LAMA2: variants seen among roughly 807,000 people sequenced by gnomAD.
LAMA2 encodes laminin subunit alpha-2.
A neutral mutation model predicts 364.8 loss-of-function variants in LAMA2; 269 were observed. The observed-to-expected ratio is 0.74, with a 90% CI of 0.67 to 0.82. The LOEUF is 0.82. Ranked by LOEUF, LAMA2 falls within the 40% of genes least tolerant of loss-of-function variation. The probability of loss-of-function intolerance (pLI) is 0.00; values close to 1 mark genes in which losing one functional copy is unlikely to be tolerated. For missense variants in LAMA2, 3,807 were observed against 3,873.2 expected, an observed-to-expected ratio of 0.98 and a Z score of 0.45; for synonymous variants, 1,379 against 1,370.6, an observed-to-expected ratio of 1.01 and a Z score of -0.14.
Position 129,051,263 on chromosome 6 carries a change from A to T in LAMA2, c.283+1175A>T, listed in dbSNP as rs188172478. Among the ~76,000 whole-genome samples, 77 of 148,026 alleles carry T rather than the reference A, an allele frequency of 5.2e-4. No individual in the cohort carries two copies. In the East Asian group the frequency reaches 0.014, roughly 27 times the overall value. ...GTAATCTACATAAAGGTAAAAATATATATTATTTATATTTATTTATATTAT... is the reference window on the plus strand; with the variant it reads ...GTAATCTACATAAAGGTAAAAATATTTATTATTTATATTTATTTATATTAT... On this transcript the variant is annotated intron_variant, in intron 2 of 64. Transcript: ENST00000421865.
intron 1 of LAMA2, among the ~76,000 whole-genome samples, chr6:128,973,670 G>A (rs1782341543): frequency 6.6e-6 from 1 of 152,138 alleles, no homozygotes; most frequent in African/African-American, 2.4e-5. Flanking sequence ...TTGGGAATTT[G>A]AGAATAAAGG....
At chr6:128,896,248 T>C (rs1437117500) in intron 1 of LAMA2, among the ~76,000 whole-genome samples, 1 of 152,048 alleles carries the variant, frequency 6.6e-6, no homozygotes, top group Non-Finnish European at 1.5e-5. Flanking sequence ...GTATAATTTA[T>C]CTTTAAAAAT....
intron 1 of LAMA2, among the ~76,000 whole-genome samples, chr6:129,030,994 A>C (rs981204258): frequency 2.0e-5 from 3 of 152,214 alleles, no homozygotes; most frequent in African/African-American, 7.2e-5. Flanking sequence ...CTGAGAGTTT[A>C]TATGTGCTTG....
chr6:128,911,127 A>G (rs373261967), intron 1 of LAMA2, among the ~76,000 whole-genome samples: 65 of 152,256 alleles, frequency 4.3e-4, no homozygotes, highest in Middle Eastern at 6.8e-3. Flanking sequence ...GGAGCCTACA[A>G]AGGCAGGCAG....
chr6:129,351,517 T>C (rs1030306455), intron 31 of LAMA2, among the ~76,000 whole-genome samples: 1 of 152,208 alleles, frequency 6.6e-6, no homozygotes, highest in Non-Finnish European at 1.5e-5. Flanking sequence ...AATTGCTTTA[T>C]TCAGCTATAT....
intron 6 of LAMA2, among the ~76,000 whole-genome samples, 177 bp from the exon 7 acceptor site, chr6:129,148,802 G>A (rs562295519): frequency 2.0e-5 from 3 of 152,178 alleles, no homozygotes; most frequent in East Asian, 1.9e-4. Flanking sequence ...TTAAGGTGAT[G>A]TTGATCAAAT....
intron 8 of LAMA2, among the ~76,000 whole-genome samples, chr6:129,156,926 G>A (rs1274457755): frequency 6.6e-6 from 1 of 152,030 alleles, no homozygotes; most frequent in Non-Finnish European, 1.5e-5. Context: ...ATATCTTCCT[G>A]TGCATGCATA....
intron 12 of LAMA2, among the ~76,000 whole-genome samples, chr6:129,241,600 G>A (rs1265235615): frequency 6.6e-6 from 1 of 152,018 alleles, no homozygotes; most frequent in East Asian, 1.9e-4. Flanking sequence ...TTTCCCAAGG[G>A]CCTTGTAGTG....
chr6:129,131,720 CCTAAACCTT>C (rs1453424966), intron 4 of LAMA2, among the ~76,000 whole-genome samples: 1 of 152,156 alleles, frequency 6.6e-6, no homozygotes, highest in African/African-American at 2.4e-5. Context: ...ATGGTAGGAA[CCTAAACCTT>C]GGGGTACTGT....
chr6:128,933,111 G>A (rs964951062), intron 1 of LAMA2, among the ~76,000 whole-genome samples: 1 of 151,976 alleles, frequency 6.6e-6, no homozygotes, highest in Non-Finnish European at 1.5e-5. Flanking sequence ...TTTTCTATGT[G>A]TGGCTTATCT....
At chr6:129,412,795 A>G (rs1195727798) in intron 40 of LAMA2, among the ~76,000 whole-genome samples, 1 of 152,154 alleles carries the variant, frequency 6.6e-6, no homozygotes, top group Non-Finnish European at 1.5e-5. Flanking sequence ...GAAAAAATGA[A>G]GAGACATGTA....
At chr6:129,116,971 GACA>G (rs554270978) in intron 4 of LAMA2, among the ~76,000 whole-genome samples, 230 of 152,032 alleles carry the variant, frequency 1.5e-3, no homozygotes, top group Non-Finnish European at 2.7e-3. Flanking sequence ...ACTTTAAAAT[GACA>G]ACAAAAAATT....
Position 129,481,299 on chromosome 6 carries a change from G to A in LAMA2, c.7609G>A (p.Val2537Met), listed in dbSNP as rs540611163. The A allele has an allele frequency of 6.2e-6, 10 of 1,613,748 alleles. No homozygotes were observed. Among genetic ancestry groups the A allele is most frequent in the African/African-American group, 5.3e-5 (4 of 74,940 alleles). ...YTVSFPKPGF[V>M]ELSPVPIDVG... is the part of the protein sequence containing the mutation. ...AGTTAGCTTTCCTAAGCCTGGTTTT[G>A]TGGAGCTCTCCCCTGTGCCAATTGA... Residue 2537 changes from valine (V) to methionine (M), a missense_variant, in exon 55 of 65, where the codon GTG becomes ATG. Transcript: ENST00000421865.
chr6:128,943,600 A>G (rs1056691737), intron 1 of LAMA2, among the ~76,000 whole-genome samples: 10 of 152,152 alleles, frequency 6.6e-5, no homozygotes, highest in African/African-American at 1.9e-4. Flanking sequence ...ACCATCGTCC[A>G]TATATTTTTG....
chr6:129,052,297 G>A (rs758010644), intron 2 of LAMA2, among the ~76,000 whole-genome samples: 2 of 145,890 alleles, frequency 1.4e-5, no homozygotes, highest in African/African-American at 5.1e-5. Flanking sequence ...TGCCACGCCC[G>A]GCTAATTCTT....
At chr6:129,503,598 G>A (rs1785816866) in intron 60 of LAMA2, among the ~76,000 whole-genome samples, 1 of 152,228 alleles carries the variant, frequency 6.6e-6, no homozygotes, top group Admixed American at 6.5e-5. Flanking sequence ...GTAGAACAGA[G>A]TGTGTTCACC....
chr6:128,903,637 C>G (rs1231689810), intron 1 of LAMA2, among the ~76,000 whole-genome samples: 1 of 152,140 alleles, frequency 6.6e-6, no homozygotes, highest in Non-Finnish European at 1.5e-5. Context: ...GTAATTGTAG[C>G]TTTCTCTTGC....
At chr6:128,944,952 A>G (rs1780401699) in intron 1 of LAMA2, among the ~76,000 whole-genome samples, 1 of 152,156 alleles carries the variant, frequency 6.6e-6, no homozygotes, top group South Asian at 2.1e-4. Context: ...CCCCTCCCCT[A>G]ACATTGGAGA....
chr6:129,296,619 GA>G (rs1050887935), intron 20 of LAMA2, among the ~76,000 whole-genome samples: 1 of 151,802 alleles, frequency 6.6e-6, no homozygotes, highest in Non-Finnish European at 1.5e-5. Context: ...AATATATAAT[GA>G]GGCTTATTAA....
Sources: allele counts gnomAD v4.1 joint callset (sites outside exome capture counted in the v4.1 genomes callset), GRCh38; gene constraint gnomAD v4.1.1; transcripts MANE v1.5; gene names NCBI Gene and HGNC (gene_info 2026-07-23, HGNC 2026-07-21).